The following VIPR1 variants were observed in gnomAD, a reference collection of about 807,000 sequenced individuals.
VIPR1 encodes vasoactive intestinal peptide receptor 1.
VIPR1 carries 59 observed loss-of-function variants against 58.8 expected under a neutral mutation model. That is an observed-to-expected ratio of 1.00 (90% CI 0.81 to 1.25). The LOEUF (loss-of-function observed/expected upper bound fraction) is 1.25. Among genes scored for constraint, VIPR1 ranks in the 50% most tolerant of loss-of-function variants. VIPR1 has a pLI of 0.00. For missense variants in VIPR1, 626 were observed against 602.7 expected (o/e 1.04, Z -0.40); for synonymous variants, 251 against 242.1 (o/e 1.04, Z -0.34).
chr3:42,523,604 T>TACACACACACACAC (rs60726747), intron 3 of VIPR1, among the ~76,000 whole-genome samples: 24 of 129,910 alleles, frequency 1.8e-4, no homozygotes, highest in African/African-American at 6.1e-4. Flanking sequence ...CCTCCGCCAC[T>TACACACACACACAC]ACACACACAC....
intron 1 of VIPR1, among the ~76,000 whole-genome samples, chr3:42,495,209 C>T (rs1264013586): frequency 6.6e-6 from 1 of 152,072 alleles, no homozygotes; most frequent in African/African-American, 2.4e-5. Context: ...GCAACCTCTG[C>T]CTCCCGGGTT....
At chr3:42,498,352 G>C (rs911592675), upstream of VIPR1, among the ~76,000 whole-genome samples, 2 of 152,166 alleles carry the variant, frequency 1.3e-5, no homozygotes, top group South Asian at 2.1e-4. Context: ...CCTGGAACTC[G>C]TTATCAAATT....
intron 6 of VIPR1, among the ~76,000 whole-genome samples, chr3:42,529,105 T>C (rs1446610604): frequency 1.3e-5 from 2 of 152,150 alleles, no homozygotes; most frequent in Non-Finnish European, 1.5e-5. Context: ...TCCCAATTCA[T>C]TACTGCGAAG....
intron 2 of VIPR1, among the ~76,000 whole-genome samples, chr3:42,515,311 A>C (rs1242953624): frequency 6.6e-6 from 1 of 152,144 alleles, no homozygotes; most frequent in Non-Finnish European, 1.5e-5. Flanking sequence ...CCCTTGTCTC[A>C]AAGCAGGACA....
intron 1 of VIPR1, among the ~76,000 whole-genome samples, chr3:42,492,725 G>C (rs1319432251): frequency 2.0e-5 from 3 of 152,228 alleles, no homozygotes; most frequent in African/African-American, 7.2e-5. Context: ...CCCAGGAGGA[G>C]AAGGGAAGGA....
chr3:42,523,900 C>T (rs998919619), intron 3 of VIPR1, among the ~76,000 whole-genome samples: 4 of 151,732 alleles, frequency 2.6e-5, no homozygotes, highest in Admixed American at 6.6e-5. Flanking sequence ...TCACTGCAAC[C>T]TCCACCTCCT....
At chr3:42,526,030 G>T (rs371195430) in intron 4 of VIPR1, 37 bp downstream of exon 4, 41 of 1,569,508 alleles carry the variant, frequency 2.6e-5, no homozygotes, top group Admixed American at 1.1e-4. Flanking sequence ...CCTGCAGAGC[G>T]CCGGGGCCCA....
chr3:42,498,303 G>A (rs1214962769), upstream of VIPR1, among the ~76,000 whole-genome samples: 3 of 152,322 alleles, frequency 2.0e-5, no homozygotes, highest in East Asian at 3.9e-4. Flanking sequence ...CATTGACAAA[G>A]CACAGTAGGG....
intron 8 of VIPR1, 94 bp downstream of exon 8, chr3:42,531,625 A>G: frequency 6.4e-7 from 1 of 1,569,878 alleles, no homozygotes; most frequent in Non-Finnish European, 8.7e-7. Context: ...GTGAGTGGAC[A>G]AAAACCACAG....
In VIPR1 at chr3:42,537,069, A is replaced by T. The variant is rs1421635878; in HGVS notation, c.*788A>T. The T allele has an allele frequency of 6.6e-6, 1 of 152,196 alleles. No individual in the cohort carries two copies. The highest frequency in any genetic ancestry group is 1.5e-5 in the Non-Finnish European group (1 of 68,052). 9.4% of individuals were successfully genotyped at this position (152,196 alleles called of 1,614,324 possible). On this transcript the variant is annotated 3_prime_UTR_variant, in exon 13 of 13. Coordinates refer to ENST00000325123, the MANE Select transcript of VIPR1 (RefSeq NM_004624.4). ...TCAGTGGCTTCATCTGTCAAGTGGG[A>T]TCTGTCACACCAGCCATACTTATCT... is the stretch of plus-strand genomic sequence containing the variant.
At chr3:42,511,994 C>T (rs776798796) in intron 1 of VIPR1, 19 of 152,196 alleles carry the variant, frequency 1.2e-4, no homozygotes, top group African/African-American at 2.2e-4. Flanking sequence ...AACAGTTATA[C>T]GAGTAACTGT....
intron 2 of VIPR1, 29 bp from the exon 3 acceptor site, chr3:42,519,194 C>T (rs757610629): frequency 1.4e-4 from 218 of 1,580,596 alleles, no homozygotes; most frequent in Non-Finnish European, 7.1e-5. Context: ...ACTGTGCTCA[C>T]CCATGTGTCT....
intron 7 of VIPR1, 32 bp from the exon 8 acceptor site, chr3:42,531,439 C>A: frequency 6.4e-7 from 1 of 1,558,506 alleles, no homozygotes; most frequent in East Asian, 2.4e-5. Context: ...CCTGTGCCCT[C>A]TCTGCTCTTT....
At chr3:42,497,351 C>T (rs759386974) in intron 1 of VIPR1, among the ~76,000 whole-genome samples, 6 of 152,290 alleles carry the variant, frequency 3.9e-5, no homozygotes, top group Admixed American at 1.3e-4. Context: ...CTGGCCAAGC[C>T]CTGCTCTCAG....
At chr3:42,495,550 T>A (rs956664847) in intron 1 of VIPR1, among the ~76,000 whole-genome samples, 4 of 152,122 alleles carry the variant, frequency 2.6e-5, no homozygotes, top group African/African-American at 9.7e-5. Context: ...ACACCCTGTA[T>A]AATCCCCTCC....
intron 12 of VIPR1, among the ~76,000 whole-genome samples, 197 bp downstream of exon 12, chr3:42,535,581 C>T (rs1228364179): frequency 6.6e-6 from 1 of 152,184 alleles, no homozygotes; most frequent in Non-Finnish European, 1.5e-5. Flanking sequence ...GACCTGCTGG[C>T]TTAGAATCTG....
intron 1 of VIPR1, chr3:42,512,784 G>C (rs1700420174): frequency 1.0e-6 from 1 of 985,334 alleles, no homozygotes; most frequent in African/African-American, 1.7e-5. Context: ...GGGTTGCCGG[G>C]GCCAGCAACC....
At chr3:42,503,156 G>T (rs1395507906) in intron 1 of VIPR1, among the ~76,000 whole-genome samples, 1 of 152,176 alleles carries the variant, frequency 6.6e-6, no homozygotes, top group African/African-American at 2.4e-5. Context: ...AGGTACTGCG[G>T]CCGATTGAGA....
chr3:42,528,979 G>A (rs1353876904), intron 6 of VIPR1, among the ~76,000 whole-genome samples: 1 of 152,218 alleles, frequency 6.6e-6, no homozygotes, highest in South Asian at 2.1e-4. Context: ...GCTTCTCAGA[G>A]GTTCTGTCCC....
Sources: gnomAD v4.1 joint callset for allele counts (sites outside exome capture counted in the v4.1 genomes callset) on GRCh38, gnomAD v4.1.1 for gene constraint, MANE v1.5 for transcripts, NCBI Gene and HGNC (gene_info 2026-07-23, HGNC 2026-07-21) for gene names.